Variants in GRIN2B observed in about 807,000 individuals in gnomAD.
The protein encoded by GRIN2B is glutamate receptor ionotropic, NMDA 2B.
Under a neutral mutation model 114.5 loss-of-function variants are expected in GRIN2B, and 5 were observed. The ratio of observed to expected loss-of-function variants is 0.04; its 90% CI spans 0.02 to 0.09. The LOEUF (loss-of-function observed/expected upper bound fraction) is 0.09. GRIN2B is among the 10% of genes least tolerant of loss of function. GRIN2B has a pLI of 1.00. For synonymous variants in GRIN2B, 787 were observed against 745.1 expected (o/e 1.06, Z -0.92); for missense variants, 1,108 against 1,943.5 (o/e 0.57, Z 8.08).
intron 2 of GRIN2B, among the ~76,000 whole-genome samples, chr12:13,966,001 T>C (rs1307759981): frequency 6.6e-6 from 1 of 152,216 alleles, no homozygotes; most frequent in African/African-American, 2.4e-5. Flanking sequence ...TCTCCTAAAC[T>C]ATCTCAAGGC....
chr12:13,786,800 C>A (rs1220610287), intron 3 of GRIN2B, among the ~76,000 whole-genome samples: 1 of 152,250 alleles, frequency 6.6e-6, no homozygotes, highest in African/African-American at 2.4e-5. Flanking sequence ...CTTGTTTTGC[C>A]GCTGTGCCTG....
chr12:13,657,764 T>C (rs968249623), intron 5 of GRIN2B, among the ~76,000 whole-genome samples: 13 of 152,216 alleles, frequency 8.5e-5, no homozygotes, highest in African/African-American at 3.1e-4. Context: ...ATTAGATATT[T>C]CATATATTTT....
intron 10 of GRIN2B, among the ~76,000 whole-genome samples, chr12:13,581,909 CAAAAA>C (rs71067711): frequency 8.3e-6 from 1 of 120,294 alleles, no homozygotes; most frequent in East Asian, 2.3e-4. Context: ...GACTTTGTCT[CAAAAA>C]AAAAAAAAAA....
At chr12:13,641,790 T>C (rs1038169957) in intron 5 of GRIN2B, among the ~76,000 whole-genome samples, 1 of 152,194 alleles carries the variant, frequency 6.6e-6, no homozygotes, top group African/African-American at 2.4e-5. Context: ...TAGGCCTCCT[T>C]CTTCAGCATC....
At chr12:13,626,830 CT>C (rs1949573941) in intron 5 of GRIN2B, among the ~76,000 whole-genome samples, 2 of 126,144 alleles carry the variant, frequency 1.6e-5, no homozygotes, top group African/African-American at 5.9e-5. Context: ...ACCCTCCCCC[CT>C]CCCCCCTCAC....
At chr12:13,697,641 C>A (rs1950273447) in intron 4 of GRIN2B, among the ~76,000 whole-genome samples, 1 of 152,130 alleles carries the variant, frequency 6.6e-6, no homozygotes, top group African/African-American at 2.4e-5. Context: ...CACTTAGGGA[C>A]AATATCCCTA....
intron 10 of GRIN2B, among the ~76,000 whole-genome samples, chr12:13,575,673 C>CAATAAT (rs58985272): frequency 0.019 from 2,744 of 147,646 alleles, 90 homozygotes; most frequent in African/African-American, 0.064. Context: ...ATGATAACAA[C>CAATAAT]AATAATAATA....
intron 11 of GRIN2B, among the ~76,000 whole-genome samples, chr12:13,570,586 A>G (rs1170732725): frequency 1.3e-5 from 2 of 152,212 alleles, no homozygotes; most frequent in Non-Finnish European, 2.9e-5. Flanking sequence ...CTACAAGAGA[A>G]AGCAAAATAC....
At chr12:13,800,806 C>T (rs1422797237) in intron 3 of GRIN2B, among the ~76,000 whole-genome samples, 3 of 152,088 alleles carry the variant, frequency 2.0e-5, no homozygotes, top group African/African-American at 7.2e-5. Context: ...TAACCAAATA[C>T]GTGTCAAAAA....
At chr12:13,572,754 G>A (rs1238666563) in intron 10 of GRIN2B, among the ~76,000 whole-genome samples, 2 of 152,098 alleles carry the variant, frequency 1.3e-5, no homozygotes, top group African/African-American at 2.4e-5. Flanking sequence ...GCCTCATATA[G>A]TCCATCTCCT....
chr12:13,887,293 A>G (rs771415052), intron 2 of GRIN2B, among the ~76,000 whole-genome samples: 27 of 152,258 alleles, frequency 1.8e-4, no homozygotes, highest in Non-Finnish European at 3.2e-4. Flanking sequence ...ACAGGCAAGT[A>G]CAATCATATA....
At chr12:13,572,775 T>C (rs1948722820) in intron 10 of GRIN2B, among the ~76,000 whole-genome samples, 1 of 152,206 alleles carries the variant, frequency 6.6e-6, no homozygotes, top group African/African-American at 2.4e-5. Flanking sequence ...CAGTGCCAAC[T>C]CATCTGTCTC....
rs560416951 is a variant in GRIN2B, at chr12:13,706,846, C to G, written c.1011-30987G>C. 2.6e-4 allele frequency among the ~76,000 whole-genome samples: 40 copies of G among 152,190 alleles called. No individual in the cohort carries two copies. In the South Asian group the frequency reaches 6.8e-3, roughly 26 times the overall value. On this transcript the variant is annotated intron_variant, in intron 4 of 13. Coordinates refer to ENST00000609686, the MANE Select transcript of GRIN2B (RefSeq NM_000834.5). Reference sequence around the variant, plus strand: ...TTGTTCCAAGGCATCTTCCCAGGCCCAGAGAGCTTCCATGGTTCTCTTCTT... The same window carrying G: ...TTGTTCCAAGGCATCTTCCCAGGCCGAGAGAGCTTCCATGGTTCTCTTCTT...
chr12:13,818,767 T>A (rs1053999300), intron 3 of GRIN2B, among the ~76,000 whole-genome samples: 1 of 152,168 alleles, frequency 6.6e-6, no homozygotes, highest in African/African-American at 2.4e-5. Context: ...CAGAGACTGG[T>A]CCAACCCTTT....
At chr12:13,912,461 A>C (rs1208694100) in intron 2 of GRIN2B, among the ~76,000 whole-genome samples, 1 of 152,232 alleles carries the variant, frequency 6.6e-6, no homozygotes, top group African/African-American at 2.4e-5. Context: ...TTACGTATTG[A>C]ACATGACCTA....
rs200727145 is a variant in GRIN2B, at chr12:13,866,129, C to A, written c.80G>T (p.Arg27Leu). 5.6e-6 allele frequency: 9 copies of A among 1,613,566 alleles called. No individual in the cohort carries two copies. The highest frequency in any genetic ancestry group is 7.6e-6 in the Non-Finnish European group (9 of 1,179,966). ...AVLAVSGSRA[R>L]SQKSPPSIGI... Reference sequence around the variant, plus strand: ...AATGCTGGGGGGGCTCTTCTGAGAACGAGCTCTGCTGCCTGACACGGCCAG... The same window carrying A: ...AATGCTGGGGGGGCTCTTCTGAGAAAGAGCTCTGCTGCCTGACACGGCCAG... Residue 27 changes from arginine (R) to leucine (L), a missense_variant, in exon 3 of 14, where the codon CGT becomes CTT. This residue lies in a region of GRIN2B where 46 missense variants were observed against 44.4 expected (regional missense o/e 1.04). Coordinates refer to ENST00000609686, the MANE Select transcript of GRIN2B (RefSeq NM_000834.5).
At chr12:13,729,280 C>T (rs1591700200) in intron 4 of GRIN2B, among the ~76,000 whole-genome samples, 3 of 152,268 alleles carry the variant, frequency 2.0e-5, no homozygotes, top group Admixed American at 6.5e-5. Flanking sequence ...AATCATAACT[C>T]TTTATCACAA....
chr12:13,887,483 C>T (rs1352848961), intron 2 of GRIN2B, among the ~76,000 whole-genome samples: 2 of 151,942 alleles, frequency 1.3e-5, no homozygotes, highest in African/African-American at 2.4e-5. Context: ...CATGGGATTA[C>T]AAGGCACAGA....
At chr12:13,909,862 A>G (rs1866601954) in intron 2 of GRIN2B, among the ~76,000 whole-genome samples, 1 of 152,184 alleles carries the variant, frequency 6.6e-6, no homozygotes, top group East Asian at 1.9e-4. Flanking sequence ...ATTAGAAAAT[A>G]TTAAGCATCA....
Sources: allele counts gnomAD v4.1 joint callset (sites outside exome capture counted in the v4.1 genomes callset), GRCh38; gene constraint gnomAD v4.1.1; regional missense constraint gnomAD v4.1.1; transcripts MANE v1.5; gene names NCBI Gene and HGNC (gene_info 2026-07-23, HGNC 2026-07-21).